Variants in MYH11 observed in about 807,000 individuals in gnomAD.
The protein encoded by MYH11 is myosin-11.
A neutral mutation model predicts 246.6 loss-of-function variants in MYH11; 80 were observed. That is an observed-to-expected ratio of 0.32 (90% confidence interval 0.27 to 0.39). MYH11 has a LOEUF of 0.39. Among genes scored for constraint, MYH11 ranks in the 10% least tolerant of loss-of-function variants. The pLI is 1.00. For synonymous variants in MYH11, 1,071 were observed against 1,015.5 expected, an observed-to-expected ratio of 1.05 and a Z score of -1.04; for missense variants, 2,158 against 2,546.8, an observed-to-expected ratio of 0.85 and a Z score of 3.29.
At chr16:15,715,565 A>G (rs1317675271) in intron 38 of MYH11, among the ~76,000 whole-genome samples, 1 of 152,144 alleles carries the variant, frequency 6.6e-6, no homozygotes, top group Non-Finnish European at 1.5e-5. Flanking sequence ...ATTCATAGAG[A>G]CAGAAAGTAG....
Position 15,718,448 on chromosome 16 carries a change from G to A in MYH11, c.5172-10C>T, listed in dbSNP as rs757411784. On this transcript the variant is annotated splice_polypyrimidine_tract_variant and intron_variant, in intron 36 of 40. Coordinates refer to ENST00000300036, the MANE Select transcript of MYH11 (RefSeq NM_002474.3). Reference sequence around the variant, plus strand: ...GTCCTGGAGTGCGTTCCTGGGGGAAGGGCGGCCATGGTGGGGGCCTCTACC... The same window carrying A: ...GTCCTGGAGTGCGTTCCTGGGGGAAAGGCGGCCATGGTGGGGGCCTCTACC... 3 of 1,550,490 alleles carry A rather than the reference G, an allele frequency of 1.9e-6. No individual in the cohort carries two copies. The highest frequency in any genetic ancestry group is 3.8e-5 in the Admixed American group (2 of 52,480).
chr16:15,755,228 C>T (rs1024807605), intron 14 of MYH11, among the ~76,000 whole-genome samples: 2 of 152,162 alleles, frequency 1.3e-5, no homozygotes, highest in African/African-American at 2.4e-5. Flanking sequence ...TAAGCTATGT[C>T]CTTTGTACAT....
chr16:15,776,018 G>A (rs910719646), intron 8 of MYH11, 60 bp downstream of exon 8: 12 of 1,265,706 alleles, frequency 9.5e-6, no homozygotes, highest in South Asian at 5.9e-5. Context: ...CCTTAACCCC[G>A]GATTCTGATG....
intron 5 of MYH11, chr16:15,784,864 G>A: frequency 1.2e-6 from 1 of 809,990 alleles, no homozygotes; most frequent in Non-Finnish European, 2.0e-6. Context: ...CCTTGATACT[G>A]TTTCTTTTCT....
chr16:15,822,985 G>A (rs1349621168), intron 3 of MYH11, among the ~76,000 whole-genome samples: 2 of 152,276 alleles, frequency 1.3e-5, no homozygotes, highest in East Asian at 3.8e-4. Flanking sequence ...ATCCTTTGCA[G>A]ACAGCTGGCC....
At chr16:15,733,319 C>T (rs1241271440) in intron 26 of MYH11, among the ~76,000 whole-genome samples, 4 of 152,282 alleles carry the variant, frequency 2.6e-5, no homozygotes, top group African/African-American at 4.8e-5. Context: ...CTGCAACCTC[C>T]ACCTCCCGGG....
chr16:15,793,323 T>C (rs1810844481), intron 4 of MYH11, among the ~76,000 whole-genome samples: 1 of 152,120 alleles, frequency 6.6e-6, no homozygotes, highest in Non-Finnish European at 1.5e-5. Context: ...TCTCTGGGTC[T>C]TGCTCTGTTG....
chr16:15,748,679 G>A (rs532884533), intron 16 of MYH11, among the ~76,000 whole-genome samples: 6 of 152,124 alleles, frequency 3.9e-5, no homozygotes, highest in South Asian at 2.1e-4. Flanking sequence ...CCAGTGGTGC[G>A]ATCATGGCTC....
At chr16:15,813,304 G>A (rs961219602) in intron 3 of MYH11, among the ~76,000 whole-genome samples, 13 of 151,902 alleles carry the variant, frequency 8.6e-5, no homozygotes, top group Admixed American at 6.6e-4. Context: ...AGTTACAATC[G>A]CACCATTACA....
intron 3 of MYH11, among the ~76,000 whole-genome samples, chr16:15,814,100 T>G (rs1324240081): frequency 1.3e-5 from 2 of 150,780 alleles, no homozygotes; most frequent in South Asian, 4.2e-4. Flanking sequence ...GCAGAGATCG[T>G]GCACTCCAGC....
chr16:15,793,697 G>A lies in MYH11; in HGVS notation c.530+4963C>T, dbSNP rs8046057. Among the ~76,000 whole-genome samples the A allele has an allele frequency of 4.1e-3, 572 of 139,574 alleles. 3 individuals carry two copies. The highest frequency in any genetic ancestry group is 0.018 in the Middle Eastern group (4 of 226). 91.6% of individuals were successfully genotyped at this position (139,574 alleles called of 152,430 possible). A position where few individuals can be genotyped will look rare whatever the true frequency, so the allele number is the denominator to read the frequency against. ...TGCACTGGCGTGATCTCAGCTCACTGCAAGCTCCGCCCCCCAGGTTCACGC... is the reference window on the plus strand; with the variant it reads ...TGCACTGGCGTGATCTCAGCTCACTACAAGCTCCGCCCCCCAGGTTCACGC... On this transcript the variant is annotated intron_variant, in intron 4 of 40. Transcript: ENST00000300036.
chr16:15,787,312 G>A (rs549323506), intron 4 of MYH11, among the ~76,000 whole-genome samples: 8 of 152,104 alleles, frequency 5.3e-5, no homozygotes, highest in Admixed American at 2.6e-4. Context: ...GGAGGCTGAG[G>A]TGGGAGGATG....
At chr16:15,725,773 C>G in intron 28 of MYH11, 1 of 398,700 alleles carries the variant, frequency 2.5e-6, no homozygotes, top group Non-Finnish European at 4.4e-6. Context: ...AGTGGCAAGG[C>G]AGGGTAAATG....
At chr16:15,801,842 AG>A (rs1415665988) in intron 3 of MYH11, among the ~76,000 whole-genome samples, 1 of 152,088 alleles carries the variant, frequency 6.6e-6, no homozygotes, top group African/African-American at 2.4e-5. Context: ...CTGTAATCCA[AG>A]GTACTCCGGA....
chr16:15,837,914 T>A lies in MYH11; in HGVS notation c.339A>T (p.Leu113=), dbSNP rs878991122. The part of the protein sequence containing the change: ...HNLRERYFSG[L]IYTYSGLFCV... ...GGCTGCCTGCAATACTCACATATAT[T>A]AGCCCTGAGAAGTACCGCTCCCTCA... Residue 113 remains leucine, a synonymous_variant, in exon 2 of 41, where the codon CTA becomes CTT. Coordinates refer to ENST00000300036, the MANE Select transcript of MYH11 (RefSeq NM_002474.3). The A allele has an allele frequency of 6.2e-7, 1 of 1,613,626 alleles. No individual in the cohort carries two copies. Among genetic ancestry groups the A allele is most frequent in the South Asian group, 1.1e-5 (1 of 91,056 alleles).
At chr16:15,738,741 T>C (rs1401471753) in intron 23 of MYH11, 53 bp from the exon 24 acceptor site, 1 of 1,596,116 alleles carries the variant, frequency 6.3e-7, no homozygotes, top group Admixed American at 1.7e-5. Context: ...TTCTCTAGAA[T>C]CTATGTTTCA....
In MYH11 at chr16:15,776,143, G is replaced by C; in HGVS notation, c.824C>G (p.Ala275Gly). The change falls in exon 8 of 41, where the codon GCC (alanine) becomes GGC (glycine). Residue 275 changes from alanine (A) to glycine (G), a missense_variant. Physicochemically the swap from Ala to Gly is moderately conservative, Grantham distance 60 (BLOSUM62 0). This residue lies in a region of MYH11 where 123 missense variants were observed against 207.1 expected (regional missense o/e 0.59). Coordinates refer to ENST00000300036, the MANE Select transcript of MYH11 (RefSeq NM_002474.3). ...GATGTGGAATGTCCTCTCGTCTCTG[G>C]CTTGGCGAATTGCCCGTGATTTTTC... ...LLEKSRAIRQ[A>G]RDERTFHIFY... The C allele has an allele frequency of 6.2e-7, 1 of 1,614,096 alleles. No homozygotes were observed.
intron 4 of MYH11, 75 bp from the exon 5 acceptor site, chr16:15,786,807 C>A: frequency 7.9e-7 from 1 of 1,269,636 alleles, no homozygotes. Flanking sequence ...CCAGGCAGGA[C>A]AATAATGATC....
chr16:15,780,270 T>C (rs1436390577), intron 6 of MYH11, among the ~76,000 whole-genome samples: 3 of 143,904 alleles, frequency 2.1e-5, no homozygotes, highest in African/African-American at 7.6e-5. Context: ...TTGTCACATG[T>C]TGGGGGGGGG....
Sources: allele counts gnomAD v4.1 joint callset (sites outside exome capture counted in the v4.1 genomes callset), GRCh38; gene constraint gnomAD v4.1.1; regional missense constraint gnomAD v4.1.1; transcripts MANE v1.5; gene names NCBI Gene and HGNC (gene_info 2026-07-23, HGNC 2026-07-21).